The following DOCK1 variants were observed in gnomAD, a reference collection of about 807,000 sequenced individuals.
DOCK1 encodes dedicator of cytokinesis 1.
Under a neutral mutation model 262.7 loss-of-function variants are expected in DOCK1, and 138 were observed. The ratio of observed to expected loss-of-function variants is 0.53; its 90% CI spans 0.46 to 0.61. The LOEUF (loss-of-function observed/expected upper bound fraction) is 0.61, where lower values mean the gene tolerates loss of function less well. Among genes scored for constraint, DOCK1 ranks in the 20% least tolerant of loss-of-function variants. The pLI is 0.00. For synonymous variants in DOCK1, 866 were observed against 867.4 expected, an observed-to-expected ratio of 1.00 and a Z score of 0.03; for missense variants, 1,908 against 2,370.7, an observed-to-expected ratio of 0.80 and a Z score of 4.05.
chr10:126,959,532 A>C (rs1011190852), intron 1 of DOCK1, among the ~76,000 whole-genome samples: 11 of 152,240 alleles, frequency 7.2e-5, no homozygotes, highest in Admixed American at 5.9e-4. Flanking sequence ...AAAAAATCAG[A>C]GTTTAGCCCA....
At chr10:127,352,171 G>T (rs978723690) in intron 31 of DOCK1, among the ~76,000 whole-genome samples, 1 of 145,036 alleles carries the variant, frequency 6.9e-6, no homozygotes, top group African/African-American at 2.6e-5. Context: ...GGGGTGGGGA[G>T]CATCGGGGAG....
intron 33 of DOCK1, among the ~76,000 whole-genome samples, chr10:127,368,234 C>T (rs2065031006): frequency 6.6e-6 from 1 of 152,230 alleles, no homozygotes; most frequent in South Asian, 2.1e-4. Context: ...ACTGCAGCTC[C>T]TCAACAAAAA....
chr10:127,260,782 T>G lies in DOCK1; in HGVS notation c.3044+3353T>G, dbSNP rs550886767. On this transcript the variant is annotated intron_variant, in intron 29 of 51. Transcript: ENST00000623213. ...GCTCATCTGTGTGTGTGCATGTGGG[T>G]GTGTGTGTGTACCCGTGCTCATCTG... Among the ~76,000 whole-genome samples, 14 of 130,902 alleles carry G rather than the reference T, an allele frequency of 1.1e-4. No individual in the cohort carries two copies. In the East Asian group the frequency reaches 1.4e-3, roughly 13 times the overall value. 85.9% of individuals were successfully genotyped at this position (130,902 alleles called of 152,430 possible). A position where few individuals can be genotyped will look rare whatever the true frequency, so the allele number is the denominator to read the frequency against.
At chr10:127,426,372 A>G (rs1358072146) in intron 47 of DOCK1, among the ~76,000 whole-genome samples, 1 of 152,172 alleles carries the variant, frequency 6.6e-6, no homozygotes, top group East Asian at 1.9e-4. Context: ...TACAATACAC[A>G]CAGAGGGTTC....
intron 27 of DOCK1, among the ~76,000 whole-genome samples, chr10:127,246,437 G>A (rs778590894): frequency 2.6e-5 from 4 of 152,200 alleles, no homozygotes; most frequent in Non-Finnish European, 5.9e-5. Context: ...GAGTAGACAA[G>A]ATACAAAGGC....
intron 1 of DOCK1, among the ~76,000 whole-genome samples, chr10:126,941,065 C>T (rs1350581680): frequency 6.6e-6 from 1 of 152,176 alleles, no homozygotes; most frequent in Non-Finnish European, 1.5e-5. Context: ...CAGGGACCTG[C>T]TGGTCCAGAG....
intron 33 of DOCK1, among the ~76,000 whole-genome samples, chr10:127,362,729 ACT>A (rs2064537352): frequency 6.6e-6 from 1 of 152,178 alleles, no homozygotes; most frequent in Non-Finnish European, 1.5e-5. Flanking sequence ...TGAGGGACAA[ACT>A]CTGCTGCATA....
chr10:126,941,624 C>T (rs908121374), intron 1 of DOCK1, among the ~76,000 whole-genome samples: 112 of 152,112 alleles, frequency 7.4e-4, no homozygotes, highest in East Asian at 1.2e-3. Context: ...GGCGTGGTGG[C>T]GGGTGCCTGT....
At chr10:127,304,105 C>T (rs1366713843) in intron 29 of DOCK1, among the ~76,000 whole-genome samples, 2 of 152,058 alleles carry the variant, frequency 1.3e-5, no homozygotes, top group African/African-American at 2.4e-5. Context: ...ACGTGCCAAG[C>T]GATGGGGAAC....
At chr10:127,070,392 T>C (rs2046156402) in intron 23 of DOCK1, among the ~76,000 whole-genome samples, 1 of 151,348 alleles carries the variant, frequency 6.6e-6, no homozygotes, top group Admixed American at 6.6e-5. Flanking sequence ...TAGCTGGGAT[T>C]ATAGGCACCC....
intron 29 of DOCK1, among the ~76,000 whole-genome samples, chr10:127,259,192 TG>T (rs2134974803): frequency 6.6e-6 from 1 of 152,026 alleles, no homozygotes; most frequent in African/African-American, 2.4e-5. Context: ...GGGAGCAGAG[TG>T]GGGGTCTTGA....
At chr10:127,017,070 C>A (rs1241688988) in intron 12 of DOCK1, among the ~76,000 whole-genome samples, 7 of 113,686 alleles carry the variant, frequency 6.2e-5, no homozygotes, top group African/African-American at 2.6e-4. Context: ...GATGCAGACA[C>A]CATAAACACA....
intron 27 of DOCK1, among the ~76,000 whole-genome samples, chr10:127,159,926 C>T (rs1411726074): frequency 6.6e-6 from 1 of 152,096 alleles, no homozygotes; most frequent in Non-Finnish European, 1.5e-5. Context: ...CATGCTGACA[C>T]CACAGGGAGA....
chr10:127,444,254 C>G lies in DOCK1; in HGVS notation c.5388C>G (p.Ala1796=). 6.2e-7 allele frequency: 1 copy of G among 1,610,094 alleles called. No individual in the cohort carries two copies. The highest frequency in any genetic ancestry group is 1.1e-5 in the South Asian group (1 of 90,690). The change falls in exon 50 of 52, where the codon GCC becomes GCG. Residue 1796 remains alanine, a synonymous_variant. Transcript: ENST00000623213. ...QQTPPPVTPR[A]KLSFSMQSSL... ...CACCCCCTCCAGTTACACCAAGGGC[C>G]AAGCTCAGCTTCAGCATGCAGTCGA...
At chr10:127,269,117 C>T (rs1187253389) in intron 29 of DOCK1, among the ~76,000 whole-genome samples, 1 of 152,136 alleles carries the variant, frequency 6.6e-6, no homozygotes, top group Non-Finnish European at 1.5e-5. Context: ...CAGATTTACC[C>T]CGTGCTGTAG....
At chr10:127,120,305 A>G (rs2049474372) in intron 25 of DOCK1, among the ~76,000 whole-genome samples, 1 of 152,224 alleles carries the variant, frequency 6.6e-6, no homozygotes, top group Admixed American at 6.5e-5. Context: ...GAAGTCACAT[A>G]CAAGGTCTTT....
At chr10:127,026,265 G>A (rs1319286355) in intron 15 of DOCK1, 87 bp from the exon 16 acceptor site, 7 of 1,247,348 alleles carry the variant, frequency 5.6e-6, no homozygotes, top group Non-Finnish European at 8.0e-6. Context: ...AATGTTTACA[G>A]TTGTACCTGA....
At chr10:127,444,349 G>A (rs1371530999) in intron 50 of DOCK1, 70 bp downstream of exon 50, 6 of 1,491,790 alleles carry the variant, frequency 4.0e-6, no homozygotes, top group Middle Eastern at 1.8e-4. Context: ...AAGGCTCTGA[G>A]GTTAGAAGCG....
At chr10:127,415,321 C>T (rs2068091700) in intron 44 of DOCK1, 83 bp downstream of exon 44, 2 of 1,386,720 alleles carry the variant, frequency 1.4e-6, no homozygotes, top group Non-Finnish European at 2.0e-6. Context: ...TGCTCATGCC[C>T]CGTGGTCACT....
Sources: gnomAD v4.1 joint callset for allele counts (sites outside exome capture counted in the v4.1 genomes callset) on GRCh38, gnomAD v4.1.1 for gene constraint, MANE v1.5 for transcripts, NCBI Gene and HGNC (gene_info 2026-07-23, HGNC 2026-07-21) for gene names.